GRIP1: variants seen among roughly 807,000 people sequenced by gnomAD.
GRIP1 encodes glutamate receptor-interacting protein 1.
Under a neutral mutation model 129.9 loss-of-function variants are expected in GRIP1, and 45 were observed. The observed-to-expected ratio is 0.35, with a 90% CI of 0.27 to 0.44. The LOEUF (loss-of-function observed/expected upper bound fraction) is 0.44. GRIP1 is among the 20% of genes least tolerant of loss of function. The probability of loss-of-function intolerance (pLI) is 1.00; values close to 1 mark genes in which losing one functional copy is unlikely to be tolerated. For synonymous variants in GRIP1, 530 were observed against 520.8 expected, an observed-to-expected ratio of 1.02 and a Z score of -0.24; for missense variants, 1,196 against 1,396.8, an observed-to-expected ratio of 0.86 and a Z score of 2.29.
At chr12:66,613,422 G>A (rs1478766808) in intron 1 of GRIP1, among the ~76,000 whole-genome samples, 2 of 152,038 alleles carry the variant, frequency 1.3e-5, no homozygotes, top group African/African-American at 4.8e-5. Context: ...TTTCTGTCTA[G>A]GCATAGAAAG....
At chr12:66,840,094 T>C (rs1324465061) in intron 1 of GRIP1, among the ~76,000 whole-genome samples, 2 of 152,148 alleles carry the variant, frequency 1.3e-5, no homozygotes, top group Non-Finnish European at 2.9e-5. Context: ...TCAAGCCCCA[T>C]TCAAGCCCAT....
chr12:66,812,922 G>C (rs1242338051), intron 1 of GRIP1, among the ~76,000 whole-genome samples: 3 of 151,996 alleles, frequency 2.0e-5, no homozygotes, highest in African/African-American at 7.3e-5. Flanking sequence ...TCATTTATTC[G>C]ACAAATGCTT....
intron 5 of GRIP1, among the ~76,000 whole-genome samples, chr12:66,524,776 C>A (rs1435527716): frequency 1.3e-5 from 2 of 152,122 alleles, no homozygotes; most frequent in East Asian, 1.9e-4. Context: ...AATTGATAGA[C>A]CACTAGCAAG....
rs12316817 is a variant in GRIP1 at position 66,522,706 on chromosome 12, A to C, written c.503-4730T>G. On this transcript the variant is annotated intron_variant, in intron 5 of 24. Transcript: ENST00000359742. ...TGGAGAATGACAAGTTGAGAGAAGA[A>C]GACTTCAGACGATCAAACTACTCTG... Among the ~76,000 whole-genome samples, 913 of 152,342 alleles carry C rather than the reference A, an allele frequency of 6.0e-3. 6 individuals are homozygous for C. Among genetic ancestry groups the C allele is most frequent in the African/African-American group, 0.02 (839 of 41,570 alleles).
chr12:66,359,990 C>T (rs1401856766), intron 23 of GRIP1, among the ~76,000 whole-genome samples: 1 of 152,148 alleles, frequency 6.6e-6, no homozygotes, highest in Non-Finnish European at 1.5e-5. Context: ...TATCCAGTTA[C>T]TTTCTTACAT....
chr12:66,684,868 AAAACG>A (rs1207108028), intron 1 of GRIP1, among the ~76,000 whole-genome samples: 7 of 151,978 alleles, frequency 4.6e-5, no homozygotes, highest in Non-Finnish European at 7.4e-5. Context: ...GAAATGGAAC[AAAACG>A]AAACGAAACG....
intron 1 of GRIP1, among the ~76,000 whole-genome samples, chr12:66,839,037 C>G (rs2039667435): frequency 6.6e-6 from 1 of 152,068 alleles, no homozygotes; most frequent in Admixed American, 6.5e-5. Flanking sequence ...AATCAAGACA[C>G]TAAGGGCTTG....
chr12:66,911,453 T>C (rs1203438316), intron 1 of GRIP1, among the ~76,000 whole-genome samples: 1 of 152,190 alleles, frequency 6.6e-6, no homozygotes, highest in Non-Finnish European at 1.5e-5. Context: ...TCTCTTCTCC[T>C]GGCATTCTAC....
intron 7 of GRIP1, among the ~76,000 whole-genome samples, chr12:66,512,620 A>T (rs1467529498): frequency 1.5e-5 from 2 of 134,354 alleles, no homozygotes; most frequent in African/African-American, 5.9e-5. Flanking sequence ...AAGCCAATAA[A>T]CAAAAAACTA....
chr12:66,806,283 G>A (rs2038991948), upstream of GRIP1, among the ~76,000 whole-genome samples: 1 of 152,114 alleles, frequency 6.6e-6, no homozygotes, highest in South Asian at 2.1e-4. Flanking sequence ...TTTCATACCA[G>A]TTCAGAGATT....
rs1462512737 is a variant in GRIP1, at chr12:66,578,231, G to GTTTTT, written c.136+18615_136+18616insAAAAA. ...AGCCTGACTAATATGGCAAAACCGC[G>GTTTTT]GTTTTTTTTTTTTTTTTTGTAAAAA... On this transcript the variant is annotated intron_variant, in intron 2 of 24. Transcript: ENST00000359742. 2.9e-3 allele frequency among the ~76,000 whole-genome samples: 90 copies of GTTTTT among 31,512 alleles called. 2 individuals are homozygous for GTTTTT. The highest frequency in any genetic ancestry group is 0.028 in the Middle Eastern group (2 of 72). 20.7% of individuals were successfully genotyped at this position (31,512 alleles called of 152,430 possible).
At chr12:66,499,825 G>A (rs552633307) in intron 7 of GRIP1, among the ~76,000 whole-genome samples, 2 of 152,158 alleles carry the variant, frequency 1.3e-5, no homozygotes, top group African/African-American at 2.4e-5. Context: ...GCAACACAGG[G>A]AGACCCTGTC....
rs111651645 is a variant in GRIP1, at chr12:66,684,487, A to G, written c.-419-54151T>C. On this transcript the variant is annotated intron_variant, in intron 1 of 4. Transcript: ENST00000538373. ...TTTATCCTCTCCTAGGGCTCCAGCA[A>G]TGACTTCTTTGCTTTGACTCTCAAA... is the stretch of plus-strand genomic sequence containing the variant. Among the ~76,000 whole-genome samples, 743 of 152,224 alleles carry G rather than the reference A, an allele frequency of 4.9e-3. 8 individuals are homozygous for G. The highest frequency in any genetic ancestry group is 0.017 in the African/African-American group (706 of 41,538).
At chr12:66,697,336 T>C (rs747043816) in intron 1 of GRIP1, among the ~76,000 whole-genome samples, 1 of 152,200 alleles carries the variant, frequency 6.6e-6, no homozygotes, top group Non-Finnish European at 1.5e-5. Flanking sequence ...AGAATAAATA[T>C]GTTAATATGT....
At chr12:66,379,967 A>G (rs1805713576) in intron 19 of GRIP1, among the ~76,000 whole-genome samples, 1 of 151,988 alleles carries the variant, frequency 6.6e-6, no homozygotes, top group Admixed American at 6.6e-5. Context: ...GTACAGTGGT[A>G]CGATCTCGCC....
At chr12:66,776,874 G>A (rs1482876017) in intron 1 of GRIP1, among the ~76,000 whole-genome samples, 2 of 152,162 alleles carry the variant, frequency 1.3e-5, no homozygotes, top group African/African-American at 4.8e-5. Context: ...TTTTTCAGAG[G>A]CAACTTGGCA....
intron 1 of GRIP1, among the ~76,000 whole-genome samples, chr12:66,652,768 T>C (rs1260096443): frequency 2.0e-5 from 3 of 152,186 alleles, no homozygotes; most frequent in Non-Finnish European, 2.9e-5. Flanking sequence ...CTGATTTCAA[T>C]AACAAGAAGT....
intron 15 of GRIP1, among the ~76,000 whole-genome samples, chr12:66,412,188 C>A (rs546210708): frequency 4.6e-5 from 7 of 152,182 alleles, no homozygotes; most frequent in African/African-American, 1.7e-4. Flanking sequence ...GTTGGATTCT[C>A]CAAGGTCGAA....
chr12:66,401,635 C>T (rs1181842271), intron 16 of GRIP1, among the ~76,000 whole-genome samples: 27 of 148,054 alleles, frequency 1.8e-4, no homozygotes, highest in Admixed American at 3.4e-4. Flanking sequence ...CACACACACA[C>T]ACACACACAC....
Sources: gnomAD v4.1 joint callset for allele counts (sites outside exome capture counted in the v4.1 genomes callset) on GRCh38, gnomAD v4.1.1 for gene constraint, MANE v1.5 for transcripts, NCBI Gene and HGNC (gene_info 2026-07-23, HGNC 2026-07-21) for gene names.